SLC30A7: variants seen among roughly 807,000 people sequenced by gnomAD.
SLC30A7 encodes solute carrier family 30 member 7.
SLC30A7 carries 35 observed loss-of-function variants against 46.0 expected under a neutral mutation model. The observed-to-expected ratio is 0.76, with a 90% confidence interval of 0.58 to 1.01. SLC30A7 has a LOEUF of 1.01. SLC30A7 is among the 50% of genes least tolerant of loss of function. The probability of loss-of-function intolerance (pLI) is 0.00; values close to 1 mark genes in which losing one functional copy is unlikely to be tolerated. For synonymous variants in SLC30A7, 147 were observed against 157.8 expected, an observed-to-expected ratio of 0.93 and a Z score of 0.51; for missense variants, 464 against 451.1, an observed-to-expected ratio of 1.03 and a Z score of -0.26.
At chr1:100,953,275 A>T (rs1655053601) in intron 8 of SLC30A7, among the ~76,000 whole-genome samples, 1 of 152,224 alleles carries the variant, frequency 6.6e-6, no homozygotes, top group Non-Finnish European at 1.5e-5. Flanking sequence ...TTATAGCAGT[A>T]TGAAGGCAGA....
At chr1:100,968,789 C>T (rs1413831675) in intron 10 of SLC30A7, among the ~76,000 whole-genome samples, 1 of 152,168 alleles carries the variant, frequency 6.6e-6, no homozygotes, top group Admixed American at 6.5e-5. Flanking sequence ...CAAGTTCCTA[C>T]CAGCTGTCAT....
chr1:100,915,264 T>TCTTTCTTC (rs1652464104), intron 6 of SLC30A7, among the ~76,000 whole-genome samples: 1 of 139,418 alleles, frequency 7.2e-6, no homozygotes, highest in Admixed American at 7.4e-5. Flanking sequence ...TTCCTTTCTT[T>TCTTTCTTC]CTTTCTTTCT....
At chr1:100,986,000 AG>A (rs1178818439), downstream of SLC30A7, among the ~76,000 whole-genome samples, 1 of 152,230 alleles carries the variant, frequency 6.6e-6, no homozygotes, top group Non-Finnish European at 1.5e-5. Flanking sequence ...ATTTAAAAGT[AG>A]GCAAAAGACA....
chr1:100,961,993 G>T, intron 9 of SLC30A7, 75 bp downstream of exon 9: 2 of 854,936 alleles, frequency 2.3e-6, no homozygotes, highest in Admixed American at 2.3e-5. Context: ...TCACAAATAT[G>T]GGTAACATGT....
In SLC30A7 at chr1:100,948,537, C is replaced by T. The variant is rs908330476; in HGVS notation, c.843-13291C>T. 3.3e-5 allele frequency among the ~76,000 whole-genome samples: 5 copies of T among 152,196 alleles called. No homozygotes were observed. In the East Asian group the frequency reaches 7.7e-4, roughly 24 times the overall value. The stretch of plus-strand genomic sequence containing the variant: ...TTGTGTGTCTTGGGGTTGGTCTTGT[C>T]GAGGACTATCTTTGTGGTGTTCTTT... On this transcript the variant is annotated intron_variant, in intron 8 of 10. Coordinates refer to ENST00000357650, the MANE Select transcript of SLC30A7 (RefSeq NM_133496.5).
rs576628030 is a variant in SLC30A7, at chr1:100,975,785, C to G, written c.*928C>G. On this transcript the variant is annotated 3_prime_UTR_variant, in exon 11 of 11. Transcript: ENST00000357650. ...TCGTGATCCGTCCACCTCAGCCTCC[C>G]AAAGTGCTGGGATTACAGGTGTGAG... is the stretch of plus-strand genomic sequence containing the variant. 1 of 150,856 alleles carries G rather than the reference C, an allele frequency of 6.6e-6. No homozygotes were observed. The highest frequency in any genetic ancestry group is 1.9e-4 in the East Asian group (1 of 5,142). 9.3% of individuals were successfully genotyped at this position (150,856 alleles called of 1,614,324 possible). A position where few individuals can be genotyped will look rare whatever the true frequency, so the allele number is the denominator to read the frequency against.
intron 2 of SLC30A7, among the ~76,000 whole-genome samples, chr1:100,897,811 G>A (rs1651061854): frequency 6.6e-6 from 1 of 152,106 alleles, no homozygotes; most frequent in South Asian, 2.1e-4. Context: ...AGGCATATTG[G>A]CACAATGAAA....
downstream of SLC30A7, among the ~76,000 whole-genome samples, chr1:100,983,993 A>AATT (rs1388292180): frequency 6.6e-6 from 1 of 152,296 alleles, no homozygotes; most frequent in East Asian, 1.9e-4. Flanking sequence ...CGTGAGCAAT[A>AATT]ATTTGTACAC....
chr1:100,953,604 G>A (rs921819084), intron 8 of SLC30A7, among the ~76,000 whole-genome samples: 7 of 152,130 alleles, frequency 4.6e-5, no homozygotes, highest in Non-Finnish European at 8.8e-5. Context: ...GCTGCTTTCA[G>A]ATGGAGTGGG....
rs187500959 is a variant in SLC30A7 at position 100,978,751 on chromosome 1, T to C, written c.*3894T>C. 1.0e-3 allele frequency: 154 copies of C among 152,330 alleles called. 1 individual carries two copies. The highest frequency in any genetic ancestry group is 3.4e-3 in the African/African-American group (140 of 41,582). 9.4% of individuals were successfully genotyped at this position (152,330 alleles called of 1,614,324 possible). On this transcript the variant is annotated 3_prime_UTR_variant, in exon 11 of 11. Transcript: ENST00000357650. ...ATTAAGGCACTTTATAAATGGACTT[T>C]TATTGTCTCATTTTTCGTATATAAT...
At chr1:100,947,840 G>T (rs900010676) in intron 8 of SLC30A7, among the ~76,000 whole-genome samples, 5 of 152,116 alleles carry the variant, frequency 3.3e-5, no homozygotes, top group Non-Finnish European at 7.4e-5. Flanking sequence ...TTGTTTTAAA[G>T]TCTGTTTTAT....
chr1:100,991,216 T>TGAAAA, the SLC30A7 span, among the ~76,000 whole-genome samples: 2 of 152,240 alleles, frequency 1.3e-5, no homozygotes, highest in East Asian at 3.8e-4. Flanking sequence ...CATTTGGCAC[T>TGAAAA]ATTTATGTTT....
At chr1:100,991,464 C>T in the SLC30A7 span, among the ~76,000 whole-genome samples, 2 of 152,114 alleles carry the variant, frequency 1.3e-5, no homozygotes, top group African/African-American at 4.8e-5. Context: ...ACATGGCCTA[C>T]CAATGAGAAT....
chr1:100,938,092 T>C (rs933164674), intron 8 of SLC30A7, among the ~76,000 whole-genome samples: 9 of 152,228 alleles, frequency 5.9e-5, no homozygotes, highest in Non-Finnish European at 1.0e-4. Flanking sequence ...CCCAGTGGTC[T>C]ATATGTCTGT....
At position 100,960,947 on chromosome 1, in the gene SLC30A7, GTTTTTTT is replaced by G. The variant is rs11354218; in HGVS notation, c.843-863_843-857del. On this transcript the variant is annotated intron_variant, in intron 8 of 10. Coordinates refer to ENST00000357650, the MANE Select transcript of SLC30A7 (RefSeq NM_133496.5). ...CATTCTACTATTAATTGTTTTGTGT[GTTTTTTT>G]TTTTTTTTTTTTTTTTTAGACGGAG... 3.5e-5 allele frequency among the ~76,000 whole-genome samples: 3 copies of G among 86,328 alleles called. No homozygotes were observed. In the Admixed American group the frequency reaches 4.0e-4, roughly 11 times the overall value. 56.6% of individuals were successfully genotyped at this position (86,328 alleles called of 152,430 possible).
chr1:100,924,581 C>G (rs1653161924), intron 8 of SLC30A7, among the ~76,000 whole-genome samples: 1 of 151,242 alleles, frequency 6.6e-6, no homozygotes, highest in Non-Finnish European at 1.5e-5. Flanking sequence ...ATTTACTTAC[C>G]ATAGCCTATT....
At chr1:100,936,567 A>C (rs762196314) in intron 8 of SLC30A7, among the ~76,000 whole-genome samples, 3 of 152,136 alleles carry the variant, frequency 2.0e-5, no homozygotes, top group Non-Finnish European at 2.9e-5. Flanking sequence ...ACTAATGTCT[A>C]CCTTTTCAAA....
chr1:100,952,692 A>T (rs1032195655), intron 8 of SLC30A7, among the ~76,000 whole-genome samples: 5 of 152,224 alleles, frequency 3.3e-5, no homozygotes, highest in African/African-American at 1.2e-4. Flanking sequence ...CAGTTCCTAA[A>T]CCAAATCCTG....
chr1:100,937,454 TTTTG>T (rs1654040016), intron 8 of SLC30A7, among the ~76,000 whole-genome samples: 1 of 152,184 alleles, frequency 6.6e-6, no homozygotes, highest in African/African-American at 2.4e-5. Flanking sequence ...TTCTGTTTTG[TTTTG>T]TTTTTGTTTT....
Sources: allele counts gnomAD v4.1 joint callset (sites outside exome capture counted in the v4.1 genomes callset), GRCh38; gene constraint gnomAD v4.1.1; transcripts MANE v1.5; gene names NCBI Gene and HGNC (gene_info 2026-07-23, HGNC 2026-07-21).